RSF1: variants seen among roughly 807,000 people sequenced by gnomAD.
RSF1 encodes HBV pX-associated protein 8.
A neutral mutation model predicts 145.2 loss-of-function variants in RSF1; 13 were observed. The observed-to-expected ratio is 0.09, with a 90% CI of 0.06 to 0.14. The LOEUF is 0.14. Ranked by LOEUF, RSF1 falls within the 10% of genes least tolerant of loss-of-function variation. The pLI, the probability that RSF1 is intolerant of heterozygous loss-of-function variation, is 1.00. For missense variants in RSF1, 1,517 were observed against 1,718.2 expected (o/e 0.88, Z 2.07); for synonymous variants, 577 against 592.6 (o/e 0.97, Z 0.38).
chr11:77,811,194 TAGAG>T (rs1179509265), intron 1 of RSF1, among the ~76,000 whole-genome samples: 3 of 152,304 alleles, frequency 2.0e-5, no homozygotes, highest in African/African-American at 7.2e-5. Flanking sequence ...TTTACAAAGA[TAGAG>T]AGGACAGGCT....
Position 77,685,101 on chromosome 11 carries a change from T to C in RSF1, c.2955+4A>G. ...TTTAAAAACATTACAAATCAGAAAC[T>C]TACTTGTGGAGGAATGATGTTTTCA... On this transcript the variant is annotated splice_donor_region_variant and intron_variant, in intron 10 of 15. Coordinates refer to ENST00000308488, the MANE Select transcript of RSF1 (RefSeq NM_016578.4). The C allele has an allele frequency of 6.6e-7, 1 of 1,521,690 alleles. No homozygotes were observed. The highest frequency in any genetic ancestry group is 8.9e-7 in the Non-Finnish European group (1 of 1,128,466). 94.3% of individuals were successfully genotyped at this position (1,521,690 alleles called of 1,614,324 possible).
At chr11:77,698,361 A>C in intron 7 of RSF1, 126 bp downstream of exon 7, 2 of 752,660 alleles carry the variant, frequency 2.7e-6, no homozygotes, top group South Asian at 1.7e-5. Flanking sequence ...AATAAAGGTT[A>C]CTCTGTAGCA....
chr11:77,680,084 T>C (rs907041495), intron 11 of RSF1, among the ~76,000 whole-genome samples: 43 of 152,164 alleles, frequency 2.8e-4, no homozygotes, highest in African/African-American at 8.0e-4. Flanking sequence ...TCTATTTCCA[T>C]CACCAGAGTA....
the RSF1 span, among the ~76,000 whole-genome samples, chr11:77,864,735 T>C: frequency 2.0e-4 from 30 of 152,264 alleles, no homozygotes; most frequent in Middle Eastern, 0.01. Flanking sequence ...TCTCAACACG[T>C]TGGGAGACCA....
chr11:77,700,463 A>G (rs1008021915), intron 6 of RSF1, among the ~76,000 whole-genome samples: 15 of 151,568 alleles, frequency 9.9e-5, no homozygotes, highest in Admixed American at 7.9e-4. Context: ...TTCTCATTCT[A>G]TAATTCTACA....
chr11:77,747,292 T>C (rs1948011977), intron 2 of RSF1, among the ~76,000 whole-genome samples, 164 bp from the exon 3 acceptor site: 1 of 152,196 alleles, frequency 6.6e-6, no homozygotes, highest in African/African-American at 2.4e-5. Flanking sequence ...CTTAAAATGA[T>C]AAAAAATATT....
chr11:77,677,992 G>T, intron 12 of RSF1, 94 bp downstream of exon 12: 2 of 815,866 alleles, frequency 2.5e-6, no homozygotes, highest in Non-Finnish European at 4.2e-6. Context: ...TAACGGGAAA[G>T]AGAATAAAAA....
chr11:77,737,392 G>C (rs1024098699), intron 4 of RSF1, among the ~76,000 whole-genome samples: 1 of 151,304 alleles, frequency 6.6e-6, no homozygotes, highest in Non-Finnish European at 1.5e-5. Flanking sequence ...AATTTGCAGG[G>C]AGCTGAGATC....
chr11:77,690,179 A>C (rs1279415349), intron 9 of RSF1, among the ~76,000 whole-genome samples: 2 of 151,626 alleles, frequency 1.3e-5, no homozygotes, highest in Non-Finnish European at 2.9e-5. Context: ...AAAAAAAAAA[A>C]ACAAAAAACC....
chr11:77,728,866 T>TAAAAA (rs550635070), intron 4 of RSF1, among the ~76,000 whole-genome samples: 22 of 143,976 alleles, frequency 1.5e-4, no homozygotes, highest in African/African-American at 5.3e-4. Context: ...GCATAACTTG[T>TAAAAA]AAAAAAAAAA....
intron 1 of RSF1, among the ~76,000 whole-genome samples, chr11:77,811,940 G>C (rs1293942292): frequency 6.6e-6 from 1 of 152,188 alleles, no homozygotes; most frequent in Non-Finnish European, 1.5e-5. Flanking sequence ...TGGGGAGGCT[G>C]AGTCAGGTGG....
chr11:77,866,752 AT>A, the RSF1 span: 3 of 152,212 alleles, frequency 2.0e-5, no homozygotes, highest in Admixed American at 6.5e-5. Flanking sequence ...ATTAAAAAAA[AT>A]AAAACTGCAC....
chr11:77,776,117 A>G (rs10899407), intron 1 of RSF1, among the ~76,000 whole-genome samples: 38,621 of 151,918 alleles, frequency 0.25, 5,603 homozygotes, highest in South Asian at 0.49. Flanking sequence ...TGGGTTGCTG[A>G]GGGAGGAGGA....
the RSF1 span, among the ~76,000 whole-genome samples, chr11:77,852,257 G>A: frequency 1.7e-5 from 2 of 114,778 alleles, no homozygotes; most frequent in Non-Finnish European, 3.8e-5. Context: ...AGAAGAAGAA[G>A]TTCAAAGAAA....
intron 8 of RSF1, chr11:77,691,503 AAT>A: frequency 2.4e-6 from 1 of 419,092 alleles, no homozygotes; most frequent in Admixed American, 4.0e-5. Flanking sequence ...GGCAATAGTC[AAT>A]GTTTAAAACA....
chr11:77,812,018 AC>A (rs1948735830), intron 1 of RSF1, among the ~76,000 whole-genome samples: 1 of 152,148 alleles, frequency 6.6e-6, no homozygotes, highest in Non-Finnish European at 1.5e-5. Flanking sequence ...TACTAAAAAT[AC>A]AAAAAATTTT....
chr11:77,843,948 T>C, the RSF1 span, among the ~76,000 whole-genome samples: 3 of 152,158 alleles, frequency 2.0e-5, no homozygotes. Flanking sequence ...TTTAAAACCA[T>C]CAGATCTCAT....
chr11:77,782,147 C>G (rs1172095645), intron 1 of RSF1, among the ~76,000 whole-genome samples: 3 of 152,032 alleles, frequency 2.0e-5, no homozygotes, highest in African/African-American at 7.2e-5. Flanking sequence ...CTTTTCTATC[C>G]ACTCTACCAA....
chr11:77,687,994 A>G (rs1351323177), intron 9 of RSF1, among the ~76,000 whole-genome samples: 1 of 152,188 alleles, frequency 6.6e-6, no homozygotes, highest in Non-Finnish European at 1.5e-5. Flanking sequence ...TGGCTTTTAG[A>G]AAGAATACAT....
Sources: gnomAD v4.1 joint callset for allele counts (sites outside exome capture counted in the v4.1 genomes callset) on GRCh38, gnomAD v4.1.1 for gene constraint, MANE v1.5 for transcripts, NCBI Gene and HGNC (gene_info 2026-07-23, HGNC 2026-07-21) for gene names.